Variants in NEMP2 observed in about 807,000 individuals in gnomAD.
NEMP2 encodes nuclear envelope integral membrane protein 2, also known as UPF0571 transmembrane protein.
A neutral mutation model predicts 54.2 loss-of-function variants in NEMP2; 53 were observed. The observed-to-expected ratio is 0.98, with a 90% CI of 0.78 to 1.23. The LOEUF (loss-of-function observed/expected upper bound fraction) is 1.23, where lower values mean the gene tolerates loss of function less well. NEMP2 is among the 50% of genes most tolerant of loss of function. The pLI is 0.00. For missense variants in NEMP2, 455 were observed against 511.3 expected (o/e 0.89, Z 1.06); for synonymous variants, 197 against 190.3 (o/e 1.04, Z -0.29).
the NEMP2 span, among the ~76,000 whole-genome samples, chr2:190,461,157 G>A: frequency 6.6e-6 from 1 of 152,192 alleles, no homozygotes; most frequent in East Asian, 1.9e-4. This position sits in a 1 kb window ranked among gnomAD's most constrained non-coding sequence, Gnocchi z 5.5. Context: ...TGGTTTTGAA[G>A]CCAAAATAGA....
At chr2:190,538,507 A>G (rs558211834), upstream of NEMP2, among the ~76,000 whole-genome samples, 7 of 152,246 alleles carry the variant, frequency 4.6e-5, no homozygotes, top group Admixed American at 1.3e-4. This position sits in a 1 kb window ranked among gnomAD's most constrained non-coding sequence, Gnocchi z 4.1. Context: ...GAATTTCTGG[A>G]TCATATGGTA....
At chr2:190,455,271 T>C in the NEMP2 span, among the ~76,000 whole-genome samples, 1 of 142,734 alleles carries the variant, frequency 7.0e-6, no homozygotes, top group East Asian at 2.0e-4. Context: ...ATTAAGTTAT[T>C]CATAGCTCTA....
the NEMP2 span, among the ~76,000 whole-genome samples, chr2:190,457,709 T>C: frequency 1.3e-5 from 2 of 152,190 alleles, no homozygotes; most frequent in Non-Finnish European, 2.9e-5. This position sits in a 1 kb window ranked among gnomAD's most constrained non-coding sequence, Gnocchi z 5.1. Context: ...TGCACAGTGT[T>C]TTGCAGTTTT....
the NEMP2 span, among the ~76,000 whole-genome samples, chr2:190,598,258 G>A: frequency 2.6e-5 from 4 of 152,214 alleles, no homozygotes; most frequent in African/African-American, 9.7e-5. Flanking sequence ...CCTTTAGTGA[G>A]AGGGAAGAGA....
In NEMP2 at chr2:190,520,599, C is replaced by T. The variant is rs1690721637; in HGVS notation, c.214-1416G>A. 6.6e-6 allele frequency among the ~76,000 whole-genome samples: 1 copy of T among 152,184 alleles called. No homozygotes were observed. Among genetic ancestry groups the T allele is most frequent in the African/African-American group, 2.4e-5 (1 of 41,436 alleles). The stretch of plus-strand genomic sequence containing the variant: ...CTCTCTCTTCAATACCACTTCCTGT[C>T]ATTCTTCTTAGGTATTTCAGTATGT... On this transcript the variant is annotated intron_variant, in intron 2 of 8. Transcript: ENST00000409150. The surrounding 1 kb of genome is among the most constrained non-coding windows in gnomAD (Gnocchi z 5.4).
chr2:190,462,105 G>A, the NEMP2 span, among the ~76,000 whole-genome samples: 1 of 152,026 alleles, frequency 6.6e-6, no homozygotes, highest in African/African-American at 2.4e-5. The surrounding 1 kb of genome is among the most constrained non-coding windows in gnomAD (Gnocchi z 5.7). Context: ...ATCATTGTTC[G>A]TGATTTGCTG....
the NEMP2 span, among the ~76,000 whole-genome samples, chr2:190,488,078 A>G: frequency 6.6e-6 from 1 of 151,966 alleles, no homozygotes; most frequent in African/African-American, 2.4e-5. The surrounding 1 kb of genome is among the most constrained non-coding windows in gnomAD (Gnocchi z 6.4). Context: ...AATTTTTTGT[A>G]TTTTAGTAGA....
At chr2:190,617,717 G>T in the NEMP2 span, among the ~76,000 whole-genome samples, 1 of 152,144 alleles carries the variant, frequency 6.6e-6, no homozygotes, top group African/African-American at 2.4e-5. The surrounding 1 kb of genome is among the most constrained non-coding windows in gnomAD (Gnocchi z 5.0). Context: ...AACTTAACAA[G>T]ATTATATATT....
chr2:190,585,905 T>C, the NEMP2 span, among the ~76,000 whole-genome samples: 2 of 152,134 alleles, frequency 1.3e-5, no homozygotes, highest in Non-Finnish European at 2.9e-5. This position sits in a 1 kb window ranked among gnomAD's most constrained non-coding sequence, Gnocchi z 5.3. Flanking sequence ...TGGATTCCAT[T>C]TGTAGAGCTT....
downstream of NEMP2, chr2:190,501,296 C>G (rs1690010387): frequency 6.6e-6 from 1 of 152,160 alleles, no homozygotes; most frequent in Non-Finnish European, 1.5e-5. Context: ...CAATAAGTAG[C>G]AACTATACTT....
the NEMP2 span, among the ~76,000 whole-genome samples, chr2:190,454,735 C>T: frequency 1.3e-5 from 2 of 151,846 alleles, no homozygotes; most frequent in Admixed American, 6.6e-5. The surrounding 1 kb of genome is among the most constrained non-coding windows in gnomAD (Gnocchi z 4.6). Flanking sequence ...CATGGCAGCC[C>T]GAGCAAATTA....
chr2:190,464,680 G>A, the NEMP2 span, among the ~76,000 whole-genome samples: 45,293 of 151,786 alleles, frequency 0.3, 7,505 homozygotes, highest in East Asian at 0.46. Flanking sequence ...GGTTGGCTAA[G>A]GGTCTCTCCT....
chr2:190,628,863 C>T, the NEMP2 span: 1 of 152,220 alleles, frequency 6.6e-6, no homozygotes, highest in Non-Finnish European at 1.5e-5. The surrounding 1 kb of genome is among the most constrained non-coding windows in gnomAD (Gnocchi z 4.1). Flanking sequence ...CTCGCCTGGC[C>T]TGAAGTTAGT....
the NEMP2 span, among the ~76,000 whole-genome samples, chr2:190,450,277 T>C: frequency 6.6e-6 from 1 of 152,060 alleles, no homozygotes; most frequent in African/African-American, 2.4e-5. Flanking sequence ...TTTTGAAGGA[T>C]AGTCTGGAAG....
At chr2:190,477,313 C>T in the NEMP2 span, 18 of 984,638 alleles carry the variant, frequency 1.8e-5, no homozygotes, top group South Asian at 8.0e-4. Flanking sequence ...CCTGTTCTAT[C>T]CTGACCTGGC....
rs1308786742 is a variant in NEMP2, at chr2:190,531,670, A to G, written c.97+2889T>C. Among the ~76,000 whole-genome samples, 1 of 152,210 alleles carries G rather than the reference A, an allele frequency of 6.6e-6. No homozygotes were observed. The highest frequency in any genetic ancestry group is 2.4e-5 in the African/African-American group (1 of 41,450). ...AATTAATCTAATTTTAGAATTACATATCTAGTATAAAAAAGGGACAGCTAC... is the reference window on the plus strand; with the variant it reads ...AATTAATCTAATTTTAGAATTACATGTCTAGTATAAAAAAGGGACAGCTAC... On this transcript the variant is annotated intron_variant, in intron 1 of 8. Transcript: ENST00000409150. The surrounding 1 kb of genome is among the most constrained non-coding windows in gnomAD (Gnocchi z 4.7).
chr2:190,633,091 C>T, the NEMP2 span, among the ~76,000 whole-genome samples: 13 of 152,110 alleles, frequency 8.5e-5, no homozygotes, highest in African/African-American at 3.1e-4. Flanking sequence ...CTTTTAAGGT[C>T]CAGATCGAAT....
the NEMP2 span, among the ~76,000 whole-genome samples, chr2:190,479,186 A>G: frequency 6.6e-6 from 1 of 152,224 alleles, no homozygotes. Context: ...AGGTAAGACT[A>G]CTGGATGCTG....
Position 190,510,805 on chromosome 2 carries a change from T to C in NEMP2, c.954-268A>G, listed in dbSNP as rs1262385578. ...CTGAGGCAGGAGAATGGCGTGAACC[T>C]GGGAGGCAGAGGTTGCAGTAAGCCG... On this transcript the variant is annotated intron_variant, in intron 7 of 8. Transcript: ENST00000409150. This position sits in a 1 kb window ranked among gnomAD's most constrained non-coding sequence, Gnocchi z 5.7. Among the ~76,000 whole-genome samples, 1 of 149,080 alleles carries C rather than the reference T, an allele frequency of 6.7e-6. No individual in the cohort carries two copies. The highest frequency in any genetic ancestry group is 2.5e-5 in the African/African-American group (1 of 40,206).
Sources: gnomAD v4.1 joint callset for allele counts (sites outside exome capture counted in the v4.1 genomes callset) on GRCh38, gnomAD v4.1.1 for gene constraint, Gnocchi (gnomAD v3.1) non-coding constraint, MANE v1.5 for transcripts, NCBI Gene and HGNC (gene_info 2026-07-23, HGNC 2026-07-21) for gene names.